Variants in DHRS3 observed in about 807,000 individuals in gnomAD.
DHRS3 encodes short-chain dehydrogenase/reductase 3.
A neutral mutation model predicts 27.2 loss-of-function variants in DHRS3; 14 were observed. That is an observed-to-expected ratio of 0.52 (90% CI 0.34 to 0.81). DHRS3 has a LOEUF of 0.81. DHRS3 is among the 30% of genes least tolerant of loss of function. The probability of loss-of-function intolerance (pLI) is 0.01; values close to 1 mark genes in which losing one functional copy is unlikely to be tolerated. For missense variants in DHRS3, 322 were observed against 406.2 expected, an observed-to-expected ratio of 0.79 and a Z score of 1.78; for synonymous variants, 165 against 175.9, an observed-to-expected ratio of 0.94 and a Z score of 0.49.
chr1:12,569,967 T>C (rs1305335678), intron 5 of DHRS3: 2 of 152,220 alleles, frequency 1.3e-5, no homozygotes, highest in African/African-American at 4.8e-5. Context: ...TTTGTACCCA[T>C]TAAAAACAAA....
intron 1 of DHRS3, among the ~76,000 whole-genome samples, chr1:12,611,504 G>A (rs747365295): frequency 3.3e-5 from 5 of 152,216 alleles, no homozygotes; most frequent in Admixed American, 6.5e-5. Flanking sequence ...GGGGCTCTGC[G>A]GAGCTGGGGC....
rs928902751 is a variant in DHRS3 at position 12,578,392 on chromosome 1, C to T, written c.698+326G>A. 2.1e-4 allele frequency among the ~76,000 whole-genome samples: 32 copies of T among 152,334 alleles called. No homozygotes were observed. The highest frequency in any genetic ancestry group is 7.2e-4 in the African/African-American group (30 of 41,574). On this transcript the variant is annotated intron_variant, in intron 4 of 5. Transcript: ENST00000616661. This position sits in a 1 kb window ranked among gnomAD's most constrained non-coding sequence, Gnocchi z 4.5. ...TCGCACAATCACAGCTCACTTGCAG[C>T]CTCAACTTCCTGGGCTCAAGCAATT...
Position 12,586,821 on chromosome 1 carries a change from C to G in DHRS3, c.196-6155G>C, listed in dbSNP as rs1339353688. Among the ~76,000 whole-genome samples, 6 of 151,402 alleles carry G rather than the reference C, an allele frequency of 4.0e-5. No homozygotes were observed. In the East Asian group the frequency reaches 1.2e-3, roughly 29 times the overall value. Reference sequence around the variant, plus strand: ...TGGGGATTGCACCACCACTCACTGTCCTGTAAGAGAAAGCACATCTCCTCT... The same window carrying G: ...TGGGGATTGCACCACCACTCACTGTGCTGTAAGAGAAAGCACATCTCCTCT... On this transcript the variant is annotated intron_variant, in intron 1 of 5. Transcript: ENST00000616661. The surrounding 1 kb of genome is among the most constrained non-coding windows in gnomAD (Gnocchi z 5.0).
At chr1:12,570,634 T>TCA (rs1307805236) in intron 5 of DHRS3, among the ~76,000 whole-genome samples, 20 of 152,302 alleles carry the variant, frequency 1.3e-4, no homozygotes, top group Admixed American at 7.2e-4. Flanking sequence ...GAGGGCTTAC[T>TCA]GTGGAGAGCG....
intron 1 of DHRS3, among the ~76,000 whole-genome samples, chr1:12,599,306 G>C (rs958012847): frequency 1.3e-5 from 2 of 152,072 alleles, no homozygotes; most frequent in African/African-American, 4.8e-5. Flanking sequence ...CAAAGACCAG[G>C]ATGCTGGGAG....
Position 12,586,063 on chromosome 1 carries a change from C to G in DHRS3, c.196-5397G>C, listed in dbSNP as rs376299990. On this transcript the variant is annotated intron_variant, in intron 1 of 5. Transcript: ENST00000616661. The surrounding 1 kb of genome is among the most constrained non-coding windows in gnomAD (Gnocchi z 5.0). Reference sequence around the variant, plus strand: ...GTGAGCTTCTGTCCCCTTCTCTCTCCCAGTGACTGGTAGGGGGAGGCAGGA... The same window carrying G: ...GTGAGCTTCTGTCCCCTTCTCTCTCGCAGTGACTGGTAGGGGGAGGCAGGA... Among the ~76,000 whole-genome samples, 2 of 152,074 alleles carry G rather than the reference C, an allele frequency of 1.3e-5. No individual in the cohort carries two copies. Among genetic ancestry groups the G allele is most frequent in the Admixed American group, 1.3e-4 (2 of 15,268 alleles).
At chr1:12,587,169 G>A (rs1263697366) in intron 1 of DHRS3, among the ~76,000 whole-genome samples, 1 of 140,412 alleles carries the variant, frequency 7.1e-6, no homozygotes, top group Admixed American at 7.2e-5. Context: ...TTGAGACAGA[G>A]TCTCACTCTG....
At chr1:12,600,337 A>C in intron 1 of DHRS3, 1 of 985,348 alleles carries the variant, frequency 1.0e-6, no homozygotes, top group African/African-American at 1.7e-5. Flanking sequence ...CTCGGAGGGC[A>C]CCATGTGCCC....
At chr1:12,602,390 G>A (rs919032725) in intron 1 of DHRS3, among the ~76,000 whole-genome samples, 3 of 152,204 alleles carry the variant, frequency 2.0e-5, no homozygotes, top group Non-Finnish European at 4.4e-5. Flanking sequence ...CCTGTAGGGA[G>A]TGGTTCCCTC....
chr1:12,578,727 A>G lies in DHRS3; in HGVS notation c.689T>C (p.Met230Thr). ...TCCCCTGCTCACTGACCTGACTCTC[A>G]TGCCCTGGAACATCTCGGTGCTGGT... ...FHTSTEMFQG[M>T]RVRFPNLFPP... Residue 230 changes from methionine (M) to threonine (T), a missense_variant, in exon 4 of 6, where the codon ATG (methionine) becomes ACG (threonine). Coordinates refer to ENST00000616661, the MANE Select transcript of DHRS3 (RefSeq NM_004753.7). The surrounding 1 kb of genome is among the most constrained non-coding windows in gnomAD (Gnocchi z 4.5). 6.2e-7 allele frequency: 1 copy of G among 1,612,894 alleles called. No homozygotes were observed. Among genetic ancestry groups the G allele is most frequent in the East Asian group, 2.2e-5 (1 of 44,806 alleles).
intron 1 of DHRS3, among the ~76,000 whole-genome samples, chr1:12,595,043 G>T (rs1227307545): frequency 6.6e-6 from 1 of 152,158 alleles, no homozygotes; most frequent in Non-Finnish European, 1.5e-5. Context: ...TGCAGGAAGA[G>T]AATCCCAGGT....
At chr1:12,571,385 A>C (rs1302936550) in intron 5 of DHRS3, among the ~76,000 whole-genome samples, 1 of 152,178 alleles carries the variant, frequency 6.6e-6, no homozygotes, top group Non-Finnish European at 1.5e-5. Context: ...AGCCCTTGGC[A>C]TCAAGATCCC....
chr1:12,572,924 C>T, intron 4 of DHRS3, 71 bp from the exon 5 acceptor site: 7 of 1,483,914 alleles, frequency 4.7e-6, no homozygotes, highest in African/African-American at 1.4e-5. Flanking sequence ...CTTTATGAGG[C>T]TGACATGTCT....
rs1014991203 is a variant in DHRS3, at chr1:12,606,656, AT to A, written c.195+10497del. 8.6e-3 allele frequency among the ~76,000 whole-genome samples: 1,238 copies of A among 144,106 alleles called. 18 individuals carry two copies. Among genetic ancestry groups the A allele is most frequent in the African/African-American group, 0.028 (1,099 of 39,488 alleles). 94.5% of individuals were successfully genotyped at this position (144,106 alleles called of 152,430 possible). A position where few individuals can be genotyped will look rare whatever the true frequency, so the allele number is the denominator to read the frequency against. ...AGGCATGTGCCACCATGCCAAGCTA[AT>A]TTTTTTTTTTTGTATTTTTAGTAGA... On this transcript the variant is annotated intron_variant, in intron 1 of 5. Transcript: ENST00000616661.
rs1491262294 is a variant in DHRS3, at chr1:12,617,787, T to TGAAAAAA, written c.-440_-439insTTTTTTC. 2.0e-4 allele frequency: 1 copy of TGAAAAAA among 5,026 alleles called. No homozygotes were observed. The highest frequency in any genetic ancestry group is 3.5e-4 in the Non-Finnish European group (1 of 2,848). The allele number at this position is 5,026 out of a possible 1,614,324, so 0.3% of individuals were successfully genotyped here. ...GGTCCCGCGGTTTCAAAGTGCAAGA[T>TGAAAAAA]TAAAAAAAAAAAAAAAAAAAAAAAA... On this transcript the variant is annotated 5_prime_UTR_variant, in exon 1 of 6. Transcript: ENST00000616661.
chr1:12,596,628 A>C (rs981151007), intron 1 of DHRS3, among the ~76,000 whole-genome samples: 8 of 152,012 alleles, frequency 5.3e-5, no homozygotes, highest in African/African-American at 1.7e-4. Flanking sequence ...TTTGGAATGA[A>C]AAGCAGCCTG....
Position 12,585,508 on chromosome 1 carries a change from C to T in DHRS3, c.196-4842G>A, listed in dbSNP as rs543533017. Among the ~76,000 whole-genome samples the T allele has an allele frequency of 5.6e-4, 85 of 152,240 alleles. 1 individual carries two copies. The Middle Eastern group carries it at 0.01, about 18-fold the overall frequency. ...GCTGGGCACCTTCCATCTTAGGAAC[C>T]GGTAGCGTCTCTGAAGTGCTGGGCT... On this transcript the variant is annotated intron_variant, in intron 1 of 5. Transcript: ENST00000616661.
At chr1:12,607,736 G>C (rs1032900172) in intron 1 of DHRS3, among the ~76,000 whole-genome samples, 7 of 152,138 alleles carry the variant, frequency 4.6e-5, no homozygotes, top group Non-Finnish European at 8.8e-5. Context: ...TGAACTCTCA[G>C]GACCCTCAGT....
intron 1 of DHRS3, among the ~76,000 whole-genome samples, chr1:12,611,104 A>G (rs1387690653): frequency 1.3e-5 from 2 of 152,260 alleles, no homozygotes; most frequent in Non-Finnish European, 2.9e-5. Flanking sequence ...GATGGAAATG[A>G]ACCAGAGAAA....
Sources: gnomAD v4.1 joint callset for allele counts (sites outside exome capture counted in the v4.1 genomes callset) on GRCh38, gnomAD v4.1.1 for gene constraint, Gnocchi (gnomAD v3.1) non-coding constraint, MANE v1.5 for transcripts, NCBI Gene and HGNC (gene_info 2026-07-23, HGNC 2026-07-21) for gene names.